PLCB1: variants seen among roughly 807,000 people sequenced by gnomAD.
PLCB1 encodes phospholipase C beta 1, also known as 1-phosphatidylinositol 4,5-bisphosphate phosphodiesterase beta-1.
A neutral mutation model predicts 161.8 loss-of-function variants in PLCB1; 46 were observed. The observed-to-expected ratio is 0.28, with a 90% CI of 0.22 to 0.36. PLCB1 has a LOEUF of 0.36. Ranked by LOEUF, PLCB1 falls within the 10% of genes least tolerant of loss-of-function variation. The pLI is 1.00. For synonymous variants in PLCB1, 517 were observed against 503.7 expected (o/e 1.03, Z -0.35); for missense variants, 1,016 against 1,472.5 (o/e 0.69, Z 5.07).
intron 2 of PLCB1, among the ~76,000 whole-genome samples, chr20:8,234,942 G>T (rs1980243728): frequency 6.6e-6 from 1 of 152,048 alleles, no homozygotes; most frequent in East Asian, 1.9e-4. Context: ...CTCCTTGTAA[G>T]AATCCAATTT....
chr20:8,696,288 A>G (rs1423209491), intron 10 of PLCB1, among the ~76,000 whole-genome samples: 2 of 152,190 alleles, frequency 1.3e-5, no homozygotes, highest in Non-Finnish European at 2.9e-5. Context: ...TGTCTTGGCA[A>G]TTGTTGAAAG....
At chr20:8,690,076 A>C (rs1990440370) in intron 10 of PLCB1, among the ~76,000 whole-genome samples, 1 of 149,624 alleles carries the variant, frequency 6.7e-6, no homozygotes, top group African/African-American at 2.4e-5. Flanking sequence ...ACATATTTTC[A>C]AATACTCAGT....
At chr20:8,860,154 A>G (rs1360346638) in intron 31 of PLCB1, among the ~76,000 whole-genome samples, 1 of 152,224 alleles carries the variant, frequency 6.6e-6, no homozygotes, top group Non-Finnish European at 1.5e-5. Context: ...CACAGAGGTA[A>G]TCCTTGCAGA....
rs895094867 is a variant in PLCB1 at position 8,269,809 on chromosome 20, G to A, written c.178-101573G>A. Reference sequence around the variant, plus strand: ...TCCTGAATGCTACTTCAGGCATATGGCAAAATAAACTTTCAAAATTAGGAA... The same window carrying A: ...TCCTGAATGCTACTTCAGGCATATGACAAAATAAACTTTCAAAATTAGGAA... On this transcript the variant is annotated intron_variant, in intron 2 of 31. Coordinates refer to ENST00000338037, the MANE Select transcript of PLCB1 (RefSeq NM_015192.4). 2.6e-5 allele frequency among the ~76,000 whole-genome samples: 4 copies of A among 151,840 alleles called. No individual in the cohort carries two copies. In the South Asian group the frequency reaches 8.3e-4, roughly 32 times the overall value.
intron 2 of PLCB1, among the ~76,000 whole-genome samples, chr20:8,308,571 C>T (rs897336787): frequency 1.1e-4 from 16 of 148,766 alleles, no homozygotes; most frequent in Admixed American, 6.8e-4. Context: ...GAGCCGAGAC[C>T]GTGCCACTGC....
chr20:8,350,214 C>T (rs1028500561), intron 2 of PLCB1, among the ~76,000 whole-genome samples: 1 of 152,182 alleles, frequency 6.6e-6, no homozygotes, highest in African/African-American at 2.4e-5. Flanking sequence ...CATCCATTAG[C>T]TATTTTTTCT....
intron 3 of PLCB1, among the ~76,000 whole-genome samples, chr20:8,551,214 GAA>G (rs199743495): frequency 1.5e-4 from 23 of 151,658 alleles, no homozygotes; most frequent in Admixed American, 1.5e-3. Flanking sequence ...AAAATATGAG[GAA>G]AAAAAACATG....
intron 9 of PLCB1, among the ~76,000 whole-genome samples, chr20:8,684,153 G>A (rs1051597022): frequency 6.6e-6 from 1 of 151,616 alleles, no homozygotes; most frequent in Non-Finnish European, 1.5e-5. Context: ...CAAAGTGCTG[G>A]GATTACAGGC....
chr20:8,632,035 C>CTTTTTTTTTTTTTTT lies in PLCB1; in HGVS notation c.384+3622_384+3636dup, dbSNP rs34028351. The stretch of plus-strand genomic sequence containing the variant: ...AGGAGACAAATATGGGTTTTTTTTG[C>CTTTTTTTTTTTTTTT]TTTTTTTTTTTTTTTTTTTTTTTTT... On this transcript the variant is annotated intron_variant, in intron 4 of 31. Coordinates refer to ENST00000338037, the MANE Select transcript of PLCB1 (RefSeq NM_015192.4). Among the ~76,000 whole-genome samples the CTTTTTTTTTTTTTTT allele has an allele frequency of 2.4e-4, 11 of 45,984 alleles. 2 individuals are homozygous for CTTTTTTTTTTTTTTT. The highest frequency in any genetic ancestry group is 7.7e-4 in the East Asian group (1 of 1,296). The allele number at this position is 45,984 out of a possible 152,430, so 30.2% of individuals were successfully genotyped here.
At chr20:8,712,650 C>T (rs1316943708) in intron 12 of PLCB1, among the ~76,000 whole-genome samples, 1 of 152,234 alleles carries the variant, frequency 6.6e-6, no homozygotes, top group African/African-American at 2.4e-5. Flanking sequence ...CCACAGAAAG[C>T]TGTGAAATTT....
chr20:8,292,311 G>A (rs1983420543), intron 2 of PLCB1, among the ~76,000 whole-genome samples: 1 of 151,996 alleles, frequency 6.6e-6, no homozygotes, highest in Admixed American at 6.6e-5. Flanking sequence ...CTCAATGTCT[G>A]GTAATAGGCT....
intron 10 of PLCB1, among the ~76,000 whole-genome samples, chr20:8,692,496 CTTGG>C (rs1234165816): frequency 6.6e-6 from 1 of 152,156 alleles, no homozygotes; most frequent in Non-Finnish European, 1.5e-5. Flanking sequence ...TCATTTGAGC[CTTGG>C]TTTGTTTGTA....
At chr20:8,842,899 C>A (rs1458279341) in intron 31 of PLCB1, among the ~76,000 whole-genome samples, 1 of 152,140 alleles carries the variant, frequency 6.6e-6, no homozygotes, top group African/African-American at 2.4e-5. Flanking sequence ...TCCGTTTCTG[C>A]CTTTTAGTTT....
intron 1 of PLCB1, among the ~76,000 whole-genome samples, chr20:8,137,175 A>G (rs1410232809): frequency 6.6e-6 from 1 of 152,248 alleles, no homozygotes; most frequent in African/African-American, 2.4e-5. Flanking sequence ...CACACTTCCC[A>G]GCATCCTACA....
At chr20:8,308,603 C>A (rs1391155263) in intron 2 of PLCB1, among the ~76,000 whole-genome samples, 2 of 125,796 alleles carry the variant, frequency 1.6e-5, no homozygotes, top group South Asian at 5.0e-4. Context: ...GGCAACAGAG[C>A]GAGATTCCGT....
At chr20:8,845,499 G>A (rs926322341) in intron 31 of PLCB1, among the ~76,000 whole-genome samples, 6 of 152,032 alleles carry the variant, frequency 3.9e-5, no homozygotes, top group Non-Finnish European at 7.4e-5. Context: ...ATTCAGCCCC[G>A]CCTTTGTGCT....
At chr20:8,669,685 A>G (rs559998115) in intron 9 of PLCB1, among the ~76,000 whole-genome samples, 1 of 152,300 alleles carries the variant, frequency 6.6e-6, no homozygotes, top group African/African-American at 2.4e-5. Context: ...GATGTGCTGA[A>G]GGCATCTGAA....
chr20:8,356,900 AG>A (rs1438863837), intron 2 of PLCB1, among the ~76,000 whole-genome samples: 2 of 152,242 alleles, frequency 1.3e-5, no homozygotes, highest in African/African-American at 4.8e-5. Flanking sequence ...TTTAAGGAAA[AG>A]CACTAAATAT....
At chr20:8,806,826 G>T (rs1997754) in intron 31 of PLCB1, among the ~76,000 whole-genome samples, 1 of 152,038 alleles carries the variant, frequency 6.6e-6, no homozygotes. Context: ...CTAGAGAAAC[G>T]TCTCCGTTTA....
Sources: gnomAD v4.1 joint callset for allele counts (sites outside exome capture counted in the v4.1 genomes callset) on GRCh38, gnomAD v4.1.1 for gene constraint, MANE v1.5 for transcripts, NCBI Gene and HGNC (gene_info 2026-07-23, HGNC 2026-07-21) for gene names.